The following KALRN variants were observed in gnomAD, a reference collection of about 807,000 sequenced individuals.
KALRN encodes kalirin RhoGEF kinase, also known as kalirin.
KALRN carries 70 observed loss-of-function variants against 353.7 expected under a neutral mutation model. That is an observed-to-expected ratio of 0.20 (90% CI 0.16 to 0.24). The LOEUF (loss-of-function observed/expected upper bound fraction) is 0.24, where lower values mean the gene tolerates loss of function less well. Ranked by LOEUF, KALRN falls within the 10% of genes least tolerant of loss-of-function variation. KALRN has a pLI of 1.00. For missense variants in KALRN, 2,791 were observed against 3,756.7 expected (o/e 0.74, Z 6.72); for synonymous variants, 1,391 against 1,434.8 (o/e 0.97, Z 0.69).
chr3:124,154,809 C>T (rs2068728715), intron 1 of KALRN, among the ~76,000 whole-genome samples: 1 of 152,106 alleles, frequency 6.6e-6, no homozygotes, highest in Non-Finnish European at 1.5e-5. Context: ...CCAAGTCAAT[C>T]CTAAGCCAAA....
At chr3:124,495,988 TATATATATATATATATATATATATACAC>T (rs1561136785) in intron 32 of KALRN, among the ~76,000 whole-genome samples, 4 of 53,758 alleles carry the variant, frequency 7.4e-5, no homozygotes, top group Admixed American at 2.0e-4. Context: ...TATATATATA[TATATATATATATATATATATATATACAC>T]ACACATATAT....
chr3:124,076,422 G>A (rs1268129363), intron 1 of KALRN, among the ~76,000 whole-genome samples: 2 of 152,198 alleles, frequency 1.3e-5, no homozygotes, highest in Non-Finnish European at 2.9e-5. Context: ...CTGTGTCCAA[G>A]GCTGATGTCA....
At chr3:124,575,203 A>C (rs1281989751) in intron 34 of KALRN, among the ~76,000 whole-genome samples, 6 of 152,180 alleles carry the variant, frequency 3.9e-5, no homozygotes, top group Admixed American at 1.3e-4. Flanking sequence ...CCCCAGCCAG[A>C]ATCTTGATTC....
chr3:124,501,660 T>A (rs1389952390), intron 33 of KALRN, among the ~76,000 whole-genome samples: 1 of 152,084 alleles, frequency 6.6e-6, no homozygotes, highest in Non-Finnish European at 1.5e-5. Flanking sequence ...AACTGACAAT[T>A]TCATCACCTG....
chr3:124,241,449 G>A (rs573891253), intron 3 of KALRN, among the ~76,000 whole-genome samples: 29 of 152,124 alleles, frequency 1.9e-4, no homozygotes, highest in Non-Finnish European at 3.4e-4. Flanking sequence ...GTGCTAAAGT[G>A]TCTCTTGAGA....
At chr3:124,508,273 C>T (rs540902250) in intron 33 of KALRN, among the ~76,000 whole-genome samples, 3 of 152,202 alleles carry the variant, frequency 2.0e-5, no homozygotes, top group Non-Finnish European at 2.9e-5. Flanking sequence ...TCAGAATCCC[C>T]GTTTGTGCCC....
Position 124,303,823 on chromosome 3 carries a change from C to G in KALRN, c.1092+4910C>G, listed in dbSNP as rs549662237. On this transcript the variant is annotated intron_variant, in intron 6 of 59. Transcript: ENST00000682506. ...TGCTCGCCAAAGGCACATATTGCCA[C>G]TTGATGGTGTGCAAATCAGACCAGT... Among the ~76,000 whole-genome samples the G allele has an allele frequency of 4.3e-4, 66 of 152,260 alleles. No individual in the cohort carries two copies. The South Asian group carries it at 0.012, about 28-fold the overall frequency.
At chr3:124,355,263 T>C (rs116476095) in intron 10 of KALRN, among the ~76,000 whole-genome samples, 2,587 of 152,316 alleles carry the variant, frequency 0.017, 62 homozygotes, top group African/African-American at 0.058. Context: ...TGAGTGATAA[T>C]ATAAATTAAA....
intron 34 of KALRN, among the ~76,000 whole-genome samples, chr3:124,575,154 T>C (rs952880519): frequency 9.9e-5 from 15 of 152,246 alleles, no homozygotes; most frequent in African/African-American, 3.6e-4. Context: ...GCCCTTGTGG[T>C]AGGACTGGGT....
chr3:124,257,354 G>C (rs1487701119), intron 3 of KALRN, among the ~76,000 whole-genome samples: 5 of 152,192 alleles, frequency 3.3e-5, no homozygotes, highest in Admixed American at 6.5e-5. Flanking sequence ...TATCTGGAAG[G>C]CTTCCCCCAA....
intron 33 of KALRN, among the ~76,000 whole-genome samples, chr3:124,513,689 T>C (rs2066206539): frequency 6.6e-6 from 1 of 152,220 alleles, no homozygotes; most frequent in African/African-American, 2.4e-5. Flanking sequence ...TTCAGAGTTC[T>C]CTCAGAGGGT....
At chr3:124,120,746 T>TATATA (rs2063923970) in intron 1 of KALRN, among the ~76,000 whole-genome samples, 4 of 119,876 alleles carry the variant, frequency 3.3e-5, no homozygotes, top group African/African-American at 1.2e-4. Flanking sequence ...ATATATATAT[T>TATATA]TTCACATAAT....
At chr3:124,679,418 G>T in intron 50 of KALRN, 40 bp from the exon 51 acceptor site, 1 of 1,572,506 alleles carries the variant, frequency 6.4e-7, no homozygotes, top group Non-Finnish European at 8.7e-7. Flanking sequence ...TGTTCTAACT[G>T]TGTTCTCTTT....
At chr3:124,066,367 A>G (rs940711467) in intron 1 of KALRN, among the ~76,000 whole-genome samples, 3 of 152,188 alleles carry the variant, frequency 2.0e-5, no homozygotes, top group African/African-American at 7.2e-5. Context: ...GAGTGAATCA[A>G]TTGTTCAAAG....
intron 28 of KALRN, 143 bp downstream of exon 28, chr3:124,483,043 C>G: frequency 1.5e-6 from 1 of 667,432 alleles, no homozygotes; most frequent in Non-Finnish European, 2.7e-6. Context: ...ACACTGGCAT[C>G]GCTGTCCTAT....
At chr3:124,376,860 T>G in intron 10 of KALRN, among the ~76,000 whole-genome samples, 1 of 152,154 alleles carries the variant, frequency 6.6e-6, no homozygotes, top group East Asian at 1.9e-4. Flanking sequence ...ATGGACTCTT[T>G]CCTTTAAAGT....
At chr3:124,680,269 G>A (rs2242424) in intron 51 of KALRN, among the ~76,000 whole-genome samples, 12,592 of 152,302 alleles carry the variant, frequency 0.083, 873 homozygotes, top group East Asian at 0.32. Flanking sequence ...ATGTGGGAGT[G>A]GAACCAACGC....
At chr3:124,667,344 T>C (rs985857271) in intron 47 of KALRN, among the ~76,000 whole-genome samples, 161 bp downstream of exon 47, 9 of 152,212 alleles carry the variant, frequency 5.9e-5, no homozygotes, top group African/African-American at 2.2e-4. Flanking sequence ...TTTCTGAAGC[T>C]GAATACACAA....
intron 33 of KALRN, among the ~76,000 whole-genome samples, chr3:124,539,295 T>C (rs2068792682): frequency 6.6e-6 from 1 of 152,224 alleles, no homozygotes; most frequent in Non-Finnish European, 1.5e-5. Flanking sequence ...CTGTGCCTTC[T>C]GGGGACTGAT....
Sources: allele counts gnomAD v4.1 joint callset (sites outside exome capture counted in the v4.1 genomes callset), GRCh38; gene constraint gnomAD v4.1.1; transcripts MANE v1.5; gene names NCBI Gene and HGNC (gene_info 2026-07-23, HGNC 2026-07-21).